The following CDH18 variants were observed in gnomAD, a reference collection of about 807,000 sequenced individuals.
CDH18 encodes the protein cadherin-18.
In CDH18, 31 loss-of-function variants were observed where a neutral mutation model predicts 67.9. The observed-to-expected ratio is 0.46, with a 90% CI of 0.34 to 0.62. The LOEUF is 0.62. Among genes scored for constraint, CDH18 ranks in the 20% least tolerant of loss-of-function variants. The pLI is 0.01. For missense variants in CDH18, 890 were observed against 975.5 expected, an observed-to-expected ratio of 0.91 and a Z score of 1.17; for synonymous variants, 362 against 347.2, an observed-to-expected ratio of 1.04 and a Z score of -0.48.
At chr5:19,715,926 C>T (rs991075657) in intron 5 of CDH18, among the ~76,000 whole-genome samples, 3 of 150,884 alleles carry the variant, frequency 2.0e-5, no homozygotes, top group African/African-American at 7.3e-5. Flanking sequence ...AAGCGATTCT[C>T]TCTGGCTCAG....
At chr5:19,977,691 C>A (rs930906536) in intron 2 of CDH18, among the ~76,000 whole-genome samples, 2 of 145,674 alleles carry the variant, frequency 1.4e-5, no homozygotes, top group Non-Finnish European at 3.1e-5. Flanking sequence ...TTAATCCATT[C>A]TTTTATTTTT....
At chr5:19,663,485 A>C (rs976404681) in intron 5 of CDH18, among the ~76,000 whole-genome samples, 2 of 151,970 alleles carry the variant, frequency 1.3e-5, no homozygotes, top group African/African-American at 4.8e-5. Flanking sequence ...CTTGCTAGAG[A>C]AGACCTGAAG....
At chr5:19,981,855 A>G (rs1277363697) in intron 1 of CDH18, among the ~76,000 whole-genome samples, 1 of 152,192 alleles carries the variant, frequency 6.6e-6, no homozygotes, top group African/African-American at 2.4e-5. Flanking sequence ...TTCCTAGCCA[A>G]ATAGATAAAA....
chr5:20,269,921 G>T (rs1179809356), intron 1 of CDH18, among the ~76,000 whole-genome samples: 1 of 151,880 alleles, frequency 6.6e-6, no homozygotes, highest in African/African-American at 2.4e-5. Context: ...AATAAAGATA[G>T]CTCAATAATA....
intron 2 of CDH18, among the ~76,000 whole-genome samples, chr5:20,177,565 C>T (rs79918256): frequency 0.051 from 7,755 of 152,006 alleles, 233 homozygotes; most frequent in East Asian, 0.14. Flanking sequence ...CTGGACATTT[C>T]GTCAAACATT....
At chr5:20,149,847 T>C (rs914081449) in intron 2 of CDH18, among the ~76,000 whole-genome samples, 2 of 151,922 alleles carry the variant, frequency 1.3e-5, no homozygotes, top group Non-Finnish European at 2.9e-5. Context: ...AATCAAAAAA[T>C]GTAGGAAAGA....
intron 3 of CDH18, among the ~76,000 whole-genome samples, chr5:19,751,494 AC>A: frequency 1.3e-5 from 2 of 152,348 alleles, no homozygotes; most frequent in South Asian, 4.1e-4. Flanking sequence ...CAAAACTTGC[AC>A]AAAAATATGT....
At chr5:20,142,371 G>C (rs756596860) in intron 2 of CDH18, among the ~76,000 whole-genome samples, 6 of 151,974 alleles carry the variant, frequency 3.9e-5, no homozygotes, top group Non-Finnish European at 8.8e-5. Context: ...CTTTAGGCTA[G>C]GAATTCTAGA....
rs759014809 is a variant in CDH18 at position 19,571,866 on chromosome 5, T to TA, written c.1000-35dup. 4.3e-5 allele frequency: 67 copies of TA among 1,545,970 alleles called. No homozygotes were observed. The East Asian group carries it at 8.1e-4, about 19-fold the overall frequency. ...AAAAAAAATAAGATTATGACTTTTATAAAAAAAGTCATATTATGACTTTCA... is the reference window on the plus strand; with the variant it reads ...AAAAAAAATAAGATTATGACTTTTATAAAAAAAAGTCATATTATGACTTTCA... On this transcript the variant is annotated intron_variant, in intron 7 of 12. Coordinates refer to ENST00000382275, the MANE Select transcript of CDH18 (RefSeq NM_004934.5).
intron 5 of CDH18, among the ~76,000 whole-genome samples, chr5:19,621,851 A>C (rs1251702060): frequency 6.6e-6 from 1 of 152,170 alleles, no homozygotes; most frequent in East Asian, 1.9e-4. Flanking sequence ...AAACAAAATA[A>C]AATAAAACAG....
At position 19,725,541 on chromosome 5, in the gene CDH18, G is replaced by A. The variant is rs184979800; in HGVS notation, c.524-4075C>T. Among the ~76,000 whole-genome samples, 12 of 152,228 alleles carry A rather than the reference G, an allele frequency of 7.9e-5. No individual in the cohort carries two copies. The East Asian group carries it at 1.4e-3, about 17-fold the overall frequency. On this transcript the variant is annotated intron_variant, in intron 4 of 12. Coordinates refer to ENST00000382275, the MANE Select transcript of CDH18 (RefSeq NM_004934.5). ...TCCCAGCAATTTGGGAGGCCGAGGC[G>A]GGTGGATCACCTGAGGTTGGTGATT...
intron 1 of CDH18, among the ~76,000 whole-genome samples, chr5:20,493,841 GTC>G (rs1753737217): frequency 6.6e-6 from 1 of 151,994 alleles, no homozygotes; most frequent in African/African-American, 2.4e-5. Flanking sequence ...GAAGTTATAG[GTC>G]AAGCTTCTGG....
intron 2 of CDH18, among the ~76,000 whole-genome samples, chr5:20,035,259 C>A (rs1200617182): frequency 6.6e-6 from 1 of 151,878 alleles, no homozygotes; most frequent in African/African-American, 2.4e-5. Context: ...TGGTATATTC[C>A]AGGCCTGTCC....
intron 3 of CDH18, among the ~76,000 whole-genome samples, chr5:19,831,631 G>A (rs1249484897): frequency 1.3e-5 from 2 of 151,912 alleles, no homozygotes; most frequent in Non-Finnish European, 2.9e-5. Flanking sequence ...TGGAGAAAAG[G>A]GAACACATAC....
In CDH18 at chr5:19,612,615, A is replaced by G. The variant is rs2150111703; in HGVS notation, c.644-14T>C. 6.3e-7 allele frequency: 1 copy of G among 1,585,906 alleles called. No homozygotes were observed. Among genetic ancestry groups the G allele is most frequent in the Non-Finnish European group, 8.7e-7 (1 of 1,154,596 alleles). On this transcript the variant is annotated splice_polypyrimidine_tract_variant and intron_variant, in intron 5 of 12. Coordinates refer to ENST00000382275, the MANE Select transcript of CDH18 (RefSeq NM_004934.5). ...TTCTAATAACTCCTGTAATAGATATATTTTAATAAACAGTATGAGCTATAT... is the reference window on the plus strand; with the variant it reads ...TTCTAATAACTCCTGTAATAGATATGTTTTAATAAACAGTATGAGCTATAT...
At chr5:19,629,540 A>T (rs531719569) in intron 5 of CDH18, among the ~76,000 whole-genome samples, 7 of 152,354 alleles carry the variant, frequency 4.6e-5, no homozygotes, top group Admixed American at 6.5e-5. Context: ...CATATACTAA[A>T]AAATTACCAA....
chr5:20,155,083 T>G (rs537274399), intron 2 of CDH18, among the ~76,000 whole-genome samples: 5 of 152,186 alleles, frequency 3.3e-5, no homozygotes, highest in Admixed American at 1.3e-4. Flanking sequence ...TTTACTTACT[T>G]TCTTTTTATA....
At chr5:19,870,861 C>A (rs921115477) in intron 2 of CDH18, among the ~76,000 whole-genome samples, 2 of 152,140 alleles carry the variant, frequency 1.3e-5, no homozygotes, top group Non-Finnish European at 2.9e-5. Context: ...TGTGGGCCAC[C>A]AGTTTGTGGC....
At chr5:20,402,916 A>C (rs921083738) in intron 1 of CDH18, among the ~76,000 whole-genome samples, 1 of 152,026 alleles carries the variant, frequency 6.6e-6, no homozygotes, top group South Asian at 2.1e-4. Flanking sequence ...TTGAAAAAAA[A>C]CAATAAATAA....
Sources: gnomAD v4.1 joint callset for allele counts (sites outside exome capture counted in the v4.1 genomes callset) on GRCh38, gnomAD v4.1.1 for gene constraint, MANE v1.5 for transcripts, NCBI Gene and HGNC (gene_info 2026-07-23, HGNC 2026-07-21) for gene names.